ARHGAP24: variants seen among roughly 807,000 people sequenced by gnomAD.
ARHGAP24 encodes rho GTPase-activating protein 24.
A neutral mutation model predicts 76.4 loss-of-function variants in ARHGAP24; 50 were observed. The ratio of observed to expected loss-of-function variants is 0.65; its 90% CI spans 0.52 to 0.83. ARHGAP24 has a LOEUF of 0.83. Ranked by LOEUF, ARHGAP24 falls within the 40% of genes least tolerant of loss-of-function variation. The pLI, the probability that ARHGAP24 is intolerant of heterozygous loss-of-function variation, is 0.00. For missense variants in ARHGAP24, 930 were observed against 914.2 expected (o/e 1.02, Z -0.22); for synonymous variants, 345 against 323.3 (o/e 1.07, Z -0.72).
At chr4:85,923,338 T>C (rs779354762) in intron 3 of ARHGAP24, among the ~76,000 whole-genome samples, 4 of 152,238 alleles carry the variant, frequency 2.6e-5, no homozygotes, top group Non-Finnish European at 5.9e-5. Flanking sequence ...TGTTTCTCCC[T>C]ATTCAGCAGC....
chr4:85,786,330 C>T (rs72658215), intron 3 of ARHGAP24, among the ~76,000 whole-genome samples: 23 of 152,280 alleles, frequency 1.5e-4, no homozygotes, highest in Non-Finnish European at 3.1e-4. Context: ...TCCTTTCTCT[C>T]TTCATCTTTG....
At chr4:85,969,623 T>A (rs1057419348) in intron 5 of ARHGAP24, among the ~76,000 whole-genome samples, 2 of 152,184 alleles carry the variant, frequency 1.3e-5, no homozygotes, top group South Asian at 4.1e-4. Flanking sequence ...TTGACTGCTA[T>A]GCATATCCTT....
chr4:85,674,161 G>A (rs1011003885), intron 2 of ARHGAP24, among the ~76,000 whole-genome samples: 34 of 152,144 alleles, frequency 2.2e-4, no homozygotes, highest in African/African-American at 6.3e-4. Context: ...TAGATCTGCG[G>A]TGGGGCCCAA....
In ARHGAP24 at chr4:85,700,411, ATAAATAAAG is replaced by A. The variant is rs1560591747; in HGVS notation, c.181-21473_181-21465del. 4.9e-3 allele frequency among the ~76,000 whole-genome samples: 340 copies of A among 69,856 alleles called. 44 individuals carry two copies. The highest frequency in any genetic ancestry group is 8.4e-3 in the Non-Finnish European group (211 of 25,148). 45.8% of individuals were successfully genotyped at this position (69,856 alleles called of 152,430 possible). A position where few individuals can be genotyped will look rare whatever the true frequency, so the allele number is the denominator to read the frequency against. ...ATTCTGTCTAAAAAAAAAAAAATAA[ATAAATAAAG>A]AAGAAGAAGAAAATGGAGCCAACAG... On this transcript the variant is annotated intron_variant, in intron 2 of 9. Transcript: ENST00000395184.
chr4:85,797,882 G>C (rs570108806), intron 3 of ARHGAP24, among the ~76,000 whole-genome samples: 4 of 151,060 alleles, frequency 2.6e-5, no homozygotes, highest in Admixed American at 6.6e-5. Context: ...GGGAAAGGAG[G>C]GGGGCAAAAC....
intron 3 of ARHGAP24, among the ~76,000 whole-genome samples, chr4:85,729,934 T>G (rs898455123): frequency 1.3e-5 from 2 of 152,146 alleles, no homozygotes; most frequent in Admixed American, 1.3e-4. Context: ...AAAAGGAAGA[T>G]GAAATACTGA....
intron 1 of ARHGAP24, among the ~76,000 whole-genome samples, chr4:85,548,109 A>G (rs903029678): frequency 6.6e-6 from 1 of 152,206 alleles, no homozygotes. Context: ...TCCCAGATTT[A>G]TCCATTGAAA....
chr4:85,616,149 C>T (rs1005573535), intron 2 of ARHGAP24, among the ~76,000 whole-genome samples: 2 of 152,108 alleles, frequency 1.3e-5, no homozygotes, highest in South Asian at 2.1e-4. Flanking sequence ...TTGGTTTCTT[C>T]GTTTCATTTT....
chr4:85,851,258 A>T (rs1395199107), intron 3 of ARHGAP24, among the ~76,000 whole-genome samples: 3 of 152,200 alleles, frequency 2.0e-5, no homozygotes, highest in Non-Finnish European at 4.4e-5. Context: ...TTTATCAGAG[A>T]CTATGACAGC....
intron 3 of ARHGAP24, among the ~76,000 whole-genome samples, chr4:85,793,504 T>C (rs1036540562): frequency 2.0e-5 from 3 of 152,176 alleles, no homozygotes; most frequent in East Asian, 3.8e-4. Context: ...CACAGAATAT[T>C]CAAAGAATAG....
chr4:85,487,901 A>T (rs1000100130), intron 1 of ARHGAP24, among the ~76,000 whole-genome samples: 3 of 130,094 alleles, frequency 2.3e-5, no homozygotes, highest in Non-Finnish European at 3.1e-5. Context: ...AATATATTTT[A>T]TATATATATA....
chr4:85,704,649 A>T (rs538119589), intron 2 of ARHGAP24, among the ~76,000 whole-genome samples: 25 of 152,300 alleles, frequency 1.6e-4, no homozygotes, highest in African/African-American at 5.3e-4. Context: ...TTATTTAAAA[A>T]TATTTTTAAC....
intron 3 of ARHGAP24, among the ~76,000 whole-genome samples, chr4:85,921,683 A>C (rs985511226): frequency 1.3e-5 from 2 of 152,096 alleles, no homozygotes; most frequent in African/African-American, 4.8e-5. Context: ...GAGTTGTTTA[A>C]AGCAGGGGAC....
chr4:85,508,460 A>C (rs1724147293), intron 1 of ARHGAP24, among the ~76,000 whole-genome samples: 1 of 152,214 alleles, frequency 6.6e-6, no homozygotes. Context: ...CTTTAAAAGA[A>C]GTGTTTCTCT....
chr4:85,593,448 C>G (rs1001905211), intron 2 of ARHGAP24, among the ~76,000 whole-genome samples: 7 of 152,090 alleles, frequency 4.6e-5, no homozygotes, highest in African/African-American at 1.7e-4. Context: ...TGTTCAGAAG[C>G]CTTTCAACTT....
At chr4:85,688,421 ATT>A (rs1238528812) in intron 2 of ARHGAP24, among the ~76,000 whole-genome samples, 1 of 151,738 alleles carries the variant, frequency 6.6e-6, no homozygotes, top group African/African-American at 2.4e-5. Context: ...AAATGGGATT[ATT>A]TGTTTTCTGC....
chr4:85,720,787 C>T (rs1347067943), intron 2 of ARHGAP24, among the ~76,000 whole-genome samples: 1 of 151,668 alleles, frequency 6.6e-6, no homozygotes, highest in Non-Finnish European at 1.5e-5. Context: ...TAGGGAAAAA[C>T]CTAGAGAAAA....
intron 5 of ARHGAP24, among the ~76,000 whole-genome samples, chr4:85,968,333 C>T (rs1334787266): frequency 6.6e-6 from 1 of 152,096 alleles, no homozygotes; most frequent in African/African-American, 2.4e-5. Flanking sequence ...TTTTTATTCT[C>T]CATTGTACAT....
intron 1 of ARHGAP24, among the ~76,000 whole-genome samples, chr4:85,482,473 A>G (rs1722854532): frequency 6.6e-6 from 1 of 152,086 alleles, no homozygotes; most frequent in African/African-American, 2.4e-5. Context: ...AGCCATGGGA[A>G]CTGCCTCATG....
Sources: allele counts gnomAD v4.1 joint callset (sites outside exome capture counted in the v4.1 genomes callset), GRCh38; gene constraint gnomAD v4.1.1; transcripts MANE v1.5; gene names NCBI Gene and HGNC (gene_info 2026-07-23, HGNC 2026-07-21).